GABRB3: variants seen among roughly 807,000 people sequenced by gnomAD.
GABRB3 encodes gamma-aminobutyric acid receptor subunit beta-3.
A neutral mutation model predicts 52.1 loss-of-function variants in GABRB3; 14 were observed. The observed-to-expected ratio is 0.27, with a 90% confidence interval of 0.18 to 0.42. GABRB3 has a LOEUF of 0.42. GABRB3 is among the 10% of genes least tolerant of loss of function. The pLI is 1.00. For synonymous variants in GABRB3, 260 were observed against 232.3 expected, an observed-to-expected ratio of 1.12 and a Z score of -1.08; for missense variants, 307 against 609.1, an observed-to-expected ratio of 0.50 and a Z score of 5.22.
chr15:26,749,329 A>G (rs1055742364), intron 3 of GABRB3, among the ~76,000 whole-genome samples: 2 of 152,096 alleles, frequency 1.3e-5, no homozygotes, highest in Non-Finnish European at 2.9e-5. Context: ...TTAGTGATTT[A>G]GTGTTATCTT....
chr15:26,660,360 T>C (rs1044224210), intron 3 of GABRB3, among the ~76,000 whole-genome samples: 20 of 152,238 alleles, frequency 1.3e-4, no homozygotes, highest in African/African-American at 4.1e-4. Context: ...ACAGTTTTGT[T>C]ACATTGTAGT....
At chr15:26,670,436 G>C (rs933099185) in intron 3 of GABRB3, among the ~76,000 whole-genome samples, 2 of 152,162 alleles carry the variant, frequency 1.3e-5, no homozygotes, top group Non-Finnish European at 2.9e-5. Flanking sequence ...GGAGGGGCGC[G>C]GGAGGCTGGG....
chr15:26,626,317 T>C (rs905083213), intron 3 of GABRB3, among the ~76,000 whole-genome samples: 1 of 152,080 alleles, frequency 6.6e-6, no homozygotes, highest in Non-Finnish European at 1.5e-5. Flanking sequence ...GCCTCCCTAT[T>C]CCCTGAGACA....
At chr15:26,576,328 G>C (rs1444037714) in intron 6 of GABRB3, among the ~76,000 whole-genome samples, 1 of 151,986 alleles carries the variant, frequency 6.6e-6, no homozygotes, top group Non-Finnish European at 1.5e-5. Flanking sequence ...TCTTTATAAT[G>C]TTTTCAGAAA....
intron 3 of GABRB3, among the ~76,000 whole-genome samples, chr15:26,762,874 C>G (rs191582769): frequency 6.6e-6 from 1 of 152,310 alleles, no homozygotes; most frequent in Non-Finnish European, 1.5e-5. Context: ...TGACACCTCA[C>G]AGGGAATTTT....
At position 26,641,199 on chromosome 15, in the gene GABRB3, T is replaced by C. The variant is rs115592305; in HGVS notation, c.241-19665A>G. Among the ~76,000 whole-genome samples the C allele has an allele frequency of 5.8e-3, 888 of 152,296 alleles. 6 individuals are homozygous for C. The highest frequency in any genetic ancestry group is 0.02 in the African/African-American group (826 of 41,576). On this transcript the variant is annotated intron_variant, in intron 3 of 8. Coordinates refer to ENST00000311550, the MANE Select transcript of GABRB3 (RefSeq NM_000814.6). ...TAGCACTACAGCCCATTATCAAATA[T>C]ACCTTTATGAATGACAGCCTGCAAT...
intron 3 of GABRB3, among the ~76,000 whole-genome samples, chr15:26,714,866 G>A (rs972533823): frequency 1.3e-5 from 2 of 152,174 alleles, no homozygotes; most frequent in African/African-American, 4.8e-5. Flanking sequence ...GGAAATAGGA[G>A]TGAAAGACAA....
Position 26,561,181 on chromosome 15 carries a change from AAAAG to A in GABRB3, c.836-9_836-6del, listed in dbSNP as rs1889970743. On this transcript the variant is annotated splice_polypyrimidine_tract_variant and splice_region_variant and intron_variant, in intron 7 of 8. Coordinates refer to ENST00000311550, the MANE Select transcript of GABRB3 (RefSeq NM_000814.6). The stretch of plus-strand genomic sequence containing the variant: ...TTGTCAGCACAGTTGTGATCCCTAG[AAAAG>A]AAACAAAGTGGTGAGAGGCTGAAAC... 6.2e-7 allele frequency: 1 copy of A among 1,613,706 alleles called. No individual in the cohort carries two copies. Among genetic ancestry groups the A allele is most frequent in the Non-Finnish European group, 8.5e-7 (1 of 1,180,040 alleles).
rs1186003306 is a variant in GABRB3 at position 26,759,264 on chromosome 15, A to AT, written c.240+13137dup. ...AAAAAATAGAATATAGCAAAAAAAA[A>AT]TTTTTTTTGAGATGGAGTCTCGCTC... On this transcript the variant is annotated intron_variant, in intron 3 of 8. Transcript: ENST00000311550. 8.6e-5 allele frequency among the ~76,000 whole-genome samples: 13 copies of AT among 152,002 alleles called. No homozygotes were observed. In the East Asian group the frequency reaches 1.2e-3, roughly 14 times the overall value.
At chr15:26,548,265 GC>G in intron 8 of GABRB3, 131 bp from the exon 9 acceptor site, 1 of 779,888 alleles carries the variant, frequency 1.3e-6, no homozygotes, top group East Asian at 2.5e-5. Context: ...GTCAAATCCA[GC>G]ACTCCGTTTT....
upstream of GABRB3, among the ~76,000 whole-genome samples, chr15:26,773,390 G>A (rs1479800658): frequency 4.0e-5 from 6 of 150,966 alleles, no homozygotes; most frequent in South Asian, 2.1e-4. Context: ...GGGGCGGGGG[G>A]TCGTCCCCTG....
At chr15:26,629,088 A>G in intron 3 of GABRB3, 1 of 1,535,894 alleles carries the variant, frequency 6.5e-7, no homozygotes, top group South Asian at 1.2e-5. Context: ...GGAAGTTGTG[A>G]CTGTCGCTTC....
chr15:26,609,157 A>C (rs1355242232), intron 4 of GABRB3, among the ~76,000 whole-genome samples: 3 of 151,592 alleles, frequency 2.0e-5, no homozygotes, highest in Admixed American at 6.6e-5. Flanking sequence ...ACTCAGTATT[A>C]ATAAAGAAAA....
intron 3 of GABRB3, among the ~76,000 whole-genome samples, chr15:26,745,975 T>C (rs908966818): frequency 1.3e-5 from 2 of 152,214 alleles, no homozygotes; most frequent in African/African-American, 2.4e-5. Context: ...CAGAGTGCAA[T>C]TGCTGGGTTG....
intron 3 of GABRB3, among the ~76,000 whole-genome samples, chr15:26,735,555 G>T (rs1382711570): frequency 6.6e-6 from 1 of 152,174 alleles, no homozygotes; most frequent in Non-Finnish European, 1.5e-5. Context: ...ACAAATTGTG[G>T]TATATCTATA....
At chr15:26,751,390 C>T (rs1328708521) in intron 3 of GABRB3, among the ~76,000 whole-genome samples, 1 of 152,102 alleles carries the variant, frequency 6.6e-6, no homozygotes, top group Admixed American at 6.6e-5. Context: ...TGCATTGTTC[C>T]AAAGGCTACA....
Position 26,624,243 on chromosome 15 carries a change from C to T in GABRB3, c.241-2709G>A, listed in dbSNP as rs367894548. 81 of 985,692 alleles carry T rather than the reference C, an allele frequency of 8.2e-5. 1 individual carries two copies. The African/African-American group carries it at 1.3e-3, about 15-fold the overall frequency. The allele number at this position is 985,692 out of a possible 1,614,324, so 61.1% of individuals were successfully genotyped here. The stretch of plus-strand genomic sequence containing the variant: ...TGTGGGCGGTGCGCTGGAACTGAGG[C>T]GTGCAAAGTTGTGGTTTCACAACAA... On this transcript the variant is annotated intron_variant, in intron 3 of 8. Coordinates refer to ENST00000311550, the MANE Select transcript of GABRB3 (RefSeq NM_000814.6).
intron 3 of GABRB3, among the ~76,000 whole-genome samples, chr15:26,753,553 G>A (rs952651693): frequency 7.2e-5 from 11 of 152,212 alleles, no homozygotes; most frequent in Admixed American, 7.2e-4. Flanking sequence ...TATTGACTTT[G>A]GTCCCAGAAA....
intron 3 of GABRB3, among the ~76,000 whole-genome samples, chr15:26,723,702 G>A (rs1236321679): frequency 6.6e-6 from 1 of 152,058 alleles, no homozygotes; most frequent in Non-Finnish European, 1.5e-5. Flanking sequence ...AATAATATAG[G>A]TCACCAGGAA....
Sources: gnomAD v4.1 joint callset for allele counts (sites outside exome capture counted in the v4.1 genomes callset) on GRCh38, gnomAD v4.1.1 for gene constraint, MANE v1.5 for transcripts, NCBI Gene and HGNC (gene_info 2026-07-23, HGNC 2026-07-21) for gene names.